The following FGF14 variants were observed in gnomAD, a reference collection of about 807,000 sequenced individuals.
FGF14 encodes fibroblast growth factor 14.
Under a neutral mutation model 25.5 loss-of-function variants are expected in FGF14, and 5 were observed. The ratio of observed to expected loss-of-function variants is 0.20; its 90% CI spans 0.10 to 0.41. The LOEUF (loss-of-function observed/expected upper bound fraction) is 0.41, where lower values mean the gene tolerates loss of function less well. Among genes scored for constraint, FGF14 ranks in the 10% least tolerant of loss-of-function variants. The pLI, the probability that FGF14 is intolerant of heterozygous loss-of-function variation, is 1.00. For missense variants in FGF14, 222 were observed against 320.1 expected, an observed-to-expected ratio of 0.69 and a Z score of 2.34; for synonymous variants, 138 against 118.3, an observed-to-expected ratio of 1.17 and a Z score of -1.08.
intron 1 of FGF14, among the ~76,000 whole-genome samples, chr13:102,159,484 A>G (rs2047524088): frequency 6.6e-6 from 1 of 151,922 alleles, no homozygotes; most frequent in Non-Finnish European, 1.5e-5. Context: ...GAAAATGCCA[A>G]CTCTTCTCCA....
chr13:101,826,952 A>T (rs2042422159), intron 3 of FGF14, among the ~76,000 whole-genome samples: 1 of 152,000 alleles, frequency 6.6e-6, no homozygotes, highest in Non-Finnish European at 1.5e-5. Context: ...CTAGATAAAG[A>T]CACTATAGGT....
At chr13:102,005,439 C>A (rs1191846225) in intron 1 of FGF14, among the ~76,000 whole-genome samples, 1 of 152,148 alleles carries the variant, frequency 6.6e-6, no homozygotes, top group Non-Finnish European at 1.5e-5. Flanking sequence ...TGCTTTTCAT[C>A]TTTTTCTTTC....
intron 1 of FGF14, among the ~76,000 whole-genome samples, chr13:102,369,726 T>C (rs772986532): frequency 6.6e-6 from 1 of 152,202 alleles, no homozygotes; most frequent in South Asian, 2.1e-4. Context: ...CATTTGTGAA[T>C]ATAAAAATAT....
chr13:102,175,795 T>G (rs2048420913), intron 1 of FGF14, among the ~76,000 whole-genome samples: 1 of 151,808 alleles, frequency 6.6e-6, no homozygotes. Context: ...AACATACAAG[T>G]GTCCAACAAA....
upstream of FGF14, among the ~76,000 whole-genome samples, chr13:101,917,641 A>C (rs2033671154): frequency 6.6e-6 from 1 of 151,278 alleles, no homozygotes; most frequent in Admixed American, 6.6e-5. Context: ...CGCCACCCCC[A>C]ACCCCGGGTT....
chr13:102,257,623 A>G (rs1379354336), intron 1 of FGF14, among the ~76,000 whole-genome samples: 1 of 151,526 alleles, frequency 6.6e-6, no homozygotes, highest in Non-Finnish European at 1.5e-5. Flanking sequence ...GTGAGCCACC[A>G]CGCCCAGCCG....
At chr13:102,280,178 G>C (rs1017911166) in intron 1 of FGF14, among the ~76,000 whole-genome samples, 1 of 152,110 alleles carries the variant, frequency 6.6e-6, no homozygotes, top group African/African-American at 2.4e-5. Flanking sequence ...CAGGAAAATA[G>C]GCAATTATTT....
intron 1 of FGF14, among the ~76,000 whole-genome samples, chr13:102,019,858 A>G (rs183147255): frequency 1.3e-5 from 2 of 152,280 alleles, no homozygotes; most frequent in East Asian, 3.9e-4. Flanking sequence ...TATTGTTGCC[A>G]AGAAAGAGGG....
intron 3 of FGF14, among the ~76,000 whole-genome samples, chr13:101,805,273 A>G (rs2041132065): frequency 6.6e-6 from 1 of 152,158 alleles, no homozygotes; most frequent in South Asian, 2.1e-4. Flanking sequence ...TGAAAATACA[A>G]AAGAAACTGT....
At chr13:102,379,918 AAAGCCTTATTCAAGCCTCCAGAG>A (rs1249423336) in intron 1 of FGF14, among the ~76,000 whole-genome samples, 1 of 152,198 alleles carries the variant, frequency 6.6e-6, no homozygotes, top group East Asian at 1.9e-4. Flanking sequence ...TAGGTCTCTG[AAAGCCTTATTCAAGCCTCCAGAG>A]ACTCATCTTC....
intron 1 of FGF14, among the ~76,000 whole-genome samples, chr13:102,172,528 A>G (rs1386576607): frequency 1.3e-5 from 2 of 152,114 alleles, no homozygotes; most frequent in African/African-American, 4.8e-5. Flanking sequence ...TCATTCTAGA[A>G]AAAGTGTTCA....
intron 3 of FGF14, among the ~76,000 whole-genome samples, chr13:101,727,461 G>A (rs557543954): frequency 1.3e-5 from 2 of 152,226 alleles, no homozygotes; most frequent in Non-Finnish European, 2.9e-5. Context: ...AACTCTTGAA[G>A]ATAAACATCA....
At chr13:101,911,336 A>T (rs1379541374) in intron 1 of FGF14, among the ~76,000 whole-genome samples, 1 of 152,148 alleles carries the variant, frequency 6.6e-6, no homozygotes, top group Non-Finnish European at 1.5e-5. Flanking sequence ...TTGTTAGGAA[A>T]GGTCACAGGA....
chr13:102,142,621 C>A (rs1183442548), intron 1 of FGF14, among the ~76,000 whole-genome samples: 1 of 152,062 alleles, frequency 6.6e-6, no homozygotes, highest in Non-Finnish European at 1.5e-5. Context: ...TGCTGAGATG[C>A]CTCTAAGGTA....
In FGF14 at chr13:102,374,693, T is replaced by C. The variant is rs1267267626; in HGVS notation, c.208+26778A>G. On this transcript the variant is annotated intron_variant, in intron 1 of 4. Transcript: ENST00000376131. ...ATATATATATATATATATATATATATATATGTCAGTAAGCAGACGTGTCAG... is the reference window on the plus strand; with the variant it reads ...ATATATATATATATATATATATATACATATGTCAGTAAGCAGACGTGTCAG... Among the ~76,000 whole-genome samples the C allele has an allele frequency of 8.5e-5, 10 of 118,024 alleles. No individual in the cohort carries two copies. The East Asian group carries it at 1.9e-3, about 22-fold the overall frequency. 77.4% of individuals were successfully genotyped at this position (118,024 alleles called of 152,430 possible). A position where few individuals can be genotyped will look rare whatever the true frequency, so the allele number is the denominator to read the frequency against.
At chr13:102,292,342 T>G (rs1327768445) in intron 1 of FGF14, 1 of 151,030 alleles carries the variant, frequency 6.6e-6, no homozygotes, top group African/African-American at 2.4e-5. Flanking sequence ...CAGAAGATTT[T>G]AATGTATTGT....
intron 1 of FGF14, among the ~76,000 whole-genome samples, chr13:102,129,591 G>C (rs2046100258): frequency 6.6e-6 from 1 of 151,832 alleles, no homozygotes. Context: ...GTACACACTA[G>C]TTCTCTTTGG....
At chr13:102,344,195 A>G (rs2057035725) in intron 1 of FGF14, among the ~76,000 whole-genome samples, 1 of 152,224 alleles carries the variant, frequency 6.6e-6, no homozygotes, top group Non-Finnish European at 1.5e-5. Context: ...CACACCTATT[A>G]AAAACTAAAT....
Position 101,914,854 on chromosome 13 carries a change from AAGATAGTCTGTTTGATGACAT to A in FGF14, c.193+1578_193+1598del, listed in dbSNP as rs1389917434. On this transcript the variant is annotated intron_variant, in intron 1 of 4. Coordinates refer to ENST00000376143, the MANE Select transcript of FGF14 (RefSeq NM_004115.4). ...GTATGTGGTGAAAACTGTATTCTAA[AAGATAGTCTGTTTGATGACAT>A]AAGAGGATAAGCACAATTTAAGTCA... Among the ~76,000 whole-genome samples, 3 of 152,312 alleles carry A rather than the reference AAGATAGTCTGTTTGATGACAT, an allele frequency of 2.0e-5. No homozygotes were observed. In the East Asian group the frequency reaches 5.8e-4, roughly 29 times the overall value.
Sources: allele counts gnomAD v4.1 joint callset (sites outside exome capture counted in the v4.1 genomes callset), GRCh38; gene constraint gnomAD v4.1.1; transcripts MANE v1.5; gene names NCBI Gene and HGNC (gene_info 2026-07-23, HGNC 2026-07-21).